Variants in AFM observed in about 807,000 individuals in gnomAD.
AFM encodes alpha-Alb.
Under a neutral mutation model 68.7 loss-of-function variants are expected in AFM, and 82 were observed. That is an observed-to-expected ratio of 1.19 (90% confidence interval 1.00 to 1.43). The LOEUF is 1.43. Ranked by LOEUF, AFM falls within the 40% of genes most tolerant of loss-of-function variation. The pLI, the probability that AFM is intolerant of heterozygous loss-of-function variation, is 0.00. For missense variants in AFM, 772 were observed against 701.8 expected (o/e 1.10, Z -1.13); for synonymous variants, 250 against 234.2 (o/e 1.07, Z -0.61).
Position 73,499,301 on chromosome 4 carries a change from A to C in AFM, c.1422+55A>C, listed in dbSNP as rs940411857. The C allele has an allele frequency of 1.8e-5, 24 of 1,368,502 alleles. No individual in the cohort carries two copies. In the African/African-American group the frequency reaches 2.7e-4, roughly 15 times the overall value. 84.8% of individuals were successfully genotyped at this position (1,368,502 alleles called of 1,614,324 possible). The stretch of plus-strand genomic sequence containing the variant: ...TTTTTTTTTTTTTTTAAAAAAAAGA[A>C]TATTTGCACTCATTGATTTACCGTG... On this transcript the variant is annotated intron_variant, in intron 11 of 14. Coordinates refer to ENST00000226355, the MANE Select transcript of AFM (RefSeq NM_001133.2).
chr4:73,488,291 G>A (rs1198860877), intron 6 of AFM, among the ~76,000 whole-genome samples: 2 of 152,174 alleles, frequency 1.3e-5, no homozygotes, highest in Non-Finnish European at 2.9e-5. Flanking sequence ...GCAGGAAAGA[G>A]TTCTATCATG....
At chr4:73,501,988 G>T in intron 13 of AFM, 69 bp downstream of exon 13, 1 of 1,539,066 alleles carries the variant, frequency 6.5e-7, no homozygotes, top group South Asian at 1.2e-5. Context: ...ACAGAACCCT[G>T]CAGGACACTG....
chr4:73,486,448 T>C (rs570911477), intron 4 of AFM, among the ~76,000 whole-genome samples: 1 of 152,326 alleles, frequency 6.6e-6, no homozygotes, highest in South Asian at 2.1e-4. Context: ...AAAACATCTG[T>C]TTTTAATATA....
Position 73,486,021 on chromosome 4 carries a change from C to T in AFM, c.430C>T (p.Pro144Ser), listed in dbSNP as rs1720892950. Residue 144 changes from proline to serine, a missense_variant, in exon 4 of 15, where the codon CCC becomes TCC. By Grantham distance (74) the Pro-to-Ser change is moderately conservative (BLOSUM62 -1). Transcript: ENST00000226355. ...TCTGCCTCCTTTCCCTACCCTGGAT[C>T]CCGAAGAGAAATGCCAGGCTTATGA... is the stretch of plus-strand genomic sequence containing the variant. ...GFLPPFPTLD[P>S]EEKCQAYESN... 2 of 1,613,916 alleles carry T rather than the reference C, an allele frequency of 1.2e-6. No individual in the cohort carries two copies. The highest frequency in any genetic ancestry group is 1.7e-6 in the Non-Finnish European group (2 of 1,179,976).
At chr4:73,495,566 G>A (rs1721233370) in intron 9 of AFM, 134 bp downstream of exon 9, 3 of 1,136,890 alleles carry the variant, frequency 2.6e-6, no homozygotes, top group Non-Finnish European at 3.7e-6. Flanking sequence ...TGTAGATTCA[G>A]CCTAAGAAGA....
chr4:73,499,510 G>A (rs1332636678), intron 11 of AFM, among the ~76,000 whole-genome samples: 1 of 152,088 alleles, frequency 6.6e-6, no homozygotes, highest in African/African-American at 2.4e-5. Context: ...TAGGACAAAT[G>A]ATTTAGGAAT....
chr4:73,486,815 G>A (rs1230689781), intron 4 of AFM, 152 bp from the exon 5 acceptor site: 1 of 772,926 alleles, frequency 1.3e-6, no homozygotes, highest in Non-Finnish European at 2.0e-6. Context: ...CTTTTACCTT[G>A]TTTTACAACT....
chr4:73,501,672 C>G, intron 12 of AFM, 115 bp from the exon 13 acceptor site: 5 of 1,197,350 alleles, frequency 4.2e-6, no homozygotes, highest in Non-Finnish European at 5.7e-6. Context: ...TATTTCAACT[C>G]TTTACCCACA....
chr4:73,484,388 C>T lies in AFM; in HGVS notation c.268C>T (p.Pro90Ser). The change falls in exon 3 of 15, where the codon CCT becomes TCT. Residue 90 changes from proline to serine, a missense_variant and splice_region_variant. Transcript: ENST00000226355. The part of the protein sequence containing the change: ...DKTLPECSKL[P>S]NNVLQEKICA... Reference sequence around the variant, plus strand: ...GACGCTCCCAGAGTGTTCAAAATTACCTGTAAGTAAATTGCTTGTGTTTCT... The same window carrying T: ...GACGCTCCCAGAGTGTTCAAAATTATCTGTAAGTAAATTGCTTGTGTTTCT... The T allele has an allele frequency of 6.4e-7, 1 of 1,553,924 alleles. No individual in the cohort carries two copies. The highest frequency in any genetic ancestry group is 8.7e-7 in the Non-Finnish European group (1 of 1,154,320).
At chr4:73,501,356 A>T (rs567491786) in intron 12 of AFM, among the ~76,000 whole-genome samples, 3 of 152,128 alleles carry the variant, frequency 2.0e-5, no homozygotes, top group Non-Finnish European at 4.4e-5. Context: ...AATGTCCATC[A>T]TCTAAAACAT....
intron 3 of AFM, 80 bp downstream of exon 3, chr4:73,484,470 C>CTTTCTT (rs1553893983): frequency 2.9e-4 from 159 of 551,554 alleles, no homozygotes; most frequent in Non-Finnish European, 3.7e-4. Flanking sequence ...TTCTTTCTTT[C>CTTTCTT]TTTCTTTCTT....
chr4:73,500,823 A>C (rs960769106), intron 12 of AFM, among the ~76,000 whole-genome samples: 3 of 152,202 alleles, frequency 2.0e-5, no homozygotes, highest in Non-Finnish European at 4.4e-5. Context: ...TTTAAATAGA[A>C]TAATACTCTT....
intron 1 of AFM, among the ~76,000 whole-genome samples, 181 bp from the exon 2 acceptor site, chr4:73,483,760 T>C (rs1720777696): frequency 1.3e-5 from 2 of 152,254 alleles, no homozygotes; most frequent in Admixed American, 1.3e-4. Context: ...TAATCAACAA[T>C]GACTAAGATT....
intron 9 of AFM, 48 bp downstream of exon 9, chr4:73,495,480 A>G (rs1721231942): frequency 6.3e-7 from 1 of 1,584,346 alleles, no homozygotes. Flanking sequence ...GAACAACTAG[A>G]AAACACTTAA....
In AFM at chr4:73,495,353, T is replaced by A. The variant is rs1560412706; in HGVS notation, c.1112T>A (p.Leu371Ter). 1.2e-6 allele frequency: 2 copies of A among 1,613,178 alleles called. No homozygotes were observed. Among genetic ancestry groups the A allele is most frequent in the Non-Finnish European group, 1.7e-6 (2 of 1,179,692 alleles). Residue 371 changes from leucine to a stop codon, truncating the protein, a stop_gained, in exon 9 of 15, where the codon TTA becomes TAA. Transcript: ENST00000226355. LOFTEE classifies it high-confidence loss of function. ...RHPDLSIPELLRIVQIYKDLL... is the reference protein window; with the variant it reads ...RHPDLSIPEL ...CCAGACCTGTCTATACCAGAGCTTTTAAGAATTGTTCAAATATACAAAGAT... is the reference window on the plus strand; with the variant it reads ...CCAGACCTGTCTATACCAGAGCTTTAAAGAATTGTTCAAATATACAAAGAT...
In AFM at chr4:73,485,986, A is replaced by T. The variant is rs1378458227; in HGVS notation, c.395A>T (p.Asp132Val). 1 of 1,614,074 alleles carries T rather than the reference A, an allele frequency of 6.2e-7. No individual in the cohort carries two copies. Among genetic ancestry groups the T allele is most frequent in the South Asian group, 1.1e-5 (1 of 91,084 alleles). ...RLCFFYNKKS[D>V]VGFLPPFPTL... ...TGTTTCTTCTATAACAAGAAATCTGATGTGGGATTTCTGCCTCCTTTCCCT... is the reference window on the plus strand; with the variant it reads ...TGTTTCTTCTATAACAAGAAATCTGTTGTGGGATTTCTGCCTCCTTTCCCT... The change falls in exon 4 of 15, where the codon GAT becomes GTT. Residue 132 changes from aspartate (D) to valine (V), a missense_variant. Asp to Val is a radical substitution (Grantham distance 152). Transcript: ENST00000226355.
intron 13 of AFM, 131 bp from the exon 14 acceptor site, chr4:73,502,919 T>C: frequency 1.2e-6 from 1 of 865,072 alleles, no homozygotes; most frequent in East Asian, 2.6e-5. Flanking sequence ...GAAAGAATGT[T>C]TACTGTTTCC....
chr4:73,491,800 C>A, intron 7 of AFM, 72 bp from the exon 8 acceptor site: 1 of 1,231,076 alleles, frequency 8.1e-7, no homozygotes, highest in Non-Finnish European at 1.2e-6. Flanking sequence ...ACTGGTTTTG[C>A]ATGCCATCAT....
At chr4:73,486,895 C>T in intron 4 of AFM, 72 bp from the exon 5 acceptor site, 2 of 1,472,496 alleles carry the variant, frequency 1.4e-6, no homozygotes, top group African/African-American at 1.4e-5. Flanking sequence ...CCCTTCCCTT[C>T]CCTTGTCTAC....
Sources: gnomAD v4.1 joint callset for allele counts (sites outside exome capture counted in the v4.1 genomes callset) on GRCh38, gnomAD v4.1.1 for gene constraint, MANE v1.5 for transcripts, NCBI Gene and HGNC (gene_info 2026-07-23, HGNC 2026-07-21) for gene names.